STXBP3: variants seen among roughly 807,000 people sequenced by gnomAD.
The protein encoded by STXBP3 is syntaxin-binding protein 3.
A neutral mutation model predicts 85.7 loss-of-function variants in STXBP3; 41 were observed. That is an observed-to-expected ratio of 0.48 (90% CI 0.37 to 0.62). The LOEUF is 0.62. STXBP3 is among the 20% of genes least tolerant of loss of function. STXBP3 has a pLI of 0.00. For synonymous variants in STXBP3, 229 were observed against 231.7 expected (o/e 0.99, Z 0.10); for missense variants, 563 against 703.1 (o/e 0.80, Z 2.25).
At chr1:108,798,406 C>CTTTTT (rs781000610) in intron 16 of STXBP3, among the ~76,000 whole-genome samples, 169 bp downstream of exon 16, 33 of 101,546 alleles carry the variant, frequency 3.2e-4, no homozygotes, top group East Asian at 1.3e-3. Context: ...GATTCTTCTT[C>CTTTTT]TTTTTTTTTT....
rs184029310 is a variant in STXBP3 at position 108,794,821 on chromosome 1, T to G, written c.1030-6T>G. 7.9e-5 allele frequency: 127 copies of G among 1,607,862 alleles called. No homozygotes were observed. Among genetic ancestry groups the G allele is most frequent in the Non-Finnish European group, 1.0e-4 (123 of 1,176,556 alleles). ...CTTTAAATGATTGATTTCTTCTGTT[T>G]TTCAGCAAGTTGTCCATCTTAACTT... On this transcript the variant is annotated splice_region_variant and splice_polypyrimidine_tract_variant and intron_variant, in intron 12 of 18. Coordinates refer to ENST00000370008, the MANE Select transcript of STXBP3 (RefSeq NM_007269.4).
chr1:108,761,595 T>C (rs557407341), intron 6 of STXBP3, among the ~76,000 whole-genome samples: 10 of 152,274 alleles, frequency 6.6e-5, no homozygotes, highest in Non-Finnish European at 8.8e-5. Flanking sequence ...TACAAAATAT[T>C]GTGATTATGT....
At chr1:108,771,210 G>A (rs1427561405) in intron 6 of STXBP3, among the ~76,000 whole-genome samples, 1 of 150,828 alleles carries the variant, frequency 6.6e-6, no homozygotes, top group East Asian at 1.9e-4. Flanking sequence ...ACTAAAGCAG[G>A]AGAGGAGAGC....
At chr1:108,797,947 C>CATTAA (rs1173479079) in intron 15 of STXBP3, among the ~76,000 whole-genome samples, 198 bp from the exon 16 acceptor site, 1 of 152,146 alleles carries the variant, frequency 6.6e-6, no homozygotes, top group Non-Finnish European at 1.5e-5. Context: ...TAAATTTTAG[C>CATTAA]ATTAAAGCAC....
At chr1:108,787,797 CTTT>C (rs889009178) in intron 11 of STXBP3, among the ~76,000 whole-genome samples, 1 of 150,894 alleles carries the variant, frequency 6.6e-6, no homozygotes, top group African/African-American at 2.4e-5. Flanking sequence ...TTTCTTTTTT[CTTT>C]TTTTTAAGAG....
chr1:108,782,100 G>A lies in STXBP3; in HGVS notation c.810-322G>A, dbSNP rs940199385. 16 of 213,374 alleles carry A rather than the reference G, an allele frequency of 7.5e-5. No individual in the cohort carries two copies. The Admixed American group carries it at 7.6e-4, about 10-fold the overall frequency. The allele number at this position is 213,374 out of a possible 1,614,324, so 13.2% of individuals were successfully genotyped here. A position where few individuals can be genotyped will look rare whatever the true frequency, so the allele number is the denominator to read the frequency against. Reference sequence around the variant, plus strand: ...GTTGTAGGGAATTAGAACACAAAGCGTTAGTATATTGAGTCTTGTTCTTAA... The same window carrying A: ...GTTGTAGGGAATTAGAACACAAAGCATTAGTATATTGAGTCTTGTTCTTAA... On this transcript the variant is annotated intron_variant, in intron 9 of 18. Transcript: ENST00000370008.
chr1:108,781,427 G>A (rs1557809888), intron 9 of STXBP3: 1 of 152,190 alleles, frequency 6.6e-6, no homozygotes, highest in Non-Finnish European at 1.5e-5. Context: ...AATGGAAGGA[G>A]GGTGTCTGCA....
At chr1:108,749,861 CTAG>C (rs1661865354) in intron 1 of STXBP3, among the ~76,000 whole-genome samples, 1 of 152,062 alleles carries the variant, frequency 6.6e-6, no homozygotes, top group Non-Finnish European at 1.5e-5. Context: ...TTTAAATTTT[CTAG>C]TAGTCACATA....
intron 18 of STXBP3, among the ~76,000 whole-genome samples, chr1:108,808,134 C>T (rs1294409631): frequency 1.3e-5 from 2 of 152,136 alleles, no homozygotes; most frequent in Non-Finnish European, 2.9e-5. Context: ...GTTTTTGAGG[C>T]ACAAATACAT....
At chr1:108,808,679 C>A in intron 18 of STXBP3, 104 bp from the exon 19 acceptor site, 2 of 860,156 alleles carry the variant, frequency 2.3e-6, no homozygotes, top group South Asian at 1.5e-5. Flanking sequence ...TTACATTACC[C>A]CAGGCTACTG....
In STXBP3 at chr1:108,808,979, G is replaced by A. The variant is rs1324176006; in HGVS notation, c.*102G>A. ...ATTTAAACAATGTAAATATTTTATGGAATAATGGCTTTTCAAATACATTTC... is the reference window on the plus strand; with the variant it reads ...ATTTAAACAATGTAAATATTTTATGAAATAATGGCTTTTCAAATACATTTC... On this transcript the variant is annotated 3_prime_UTR_variant, in exon 19 of 19. Coordinates refer to ENST00000370008, the MANE Select transcript of STXBP3 (RefSeq NM_007269.4). 3 of 747,684 alleles carry A rather than the reference G, an allele frequency of 4.0e-6. No individual in the cohort carries two copies. Among genetic ancestry groups the A allele is most frequent in the Non-Finnish European group, 6.5e-6 (3 of 462,684 alleles). 46.3% of individuals were successfully genotyped at this position (747,684 alleles called of 1,614,324 possible).
chr1:108,788,817 T>G (rs1662912968), intron 11 of STXBP3, among the ~76,000 whole-genome samples: 1 of 152,138 alleles, frequency 6.6e-6, no homozygotes, highest in South Asian at 2.1e-4. Flanking sequence ...ATCCCAGCAC[T>G]TGGGGAGGCC....
At chr1:108,776,543 A>G (rs1662597913) in intron 8 of STXBP3, 120 bp downstream of exon 8, 1 of 610,060 alleles carries the variant, frequency 1.6e-6, no homozygotes, top group African/African-American at 1.9e-5. Context: ...ATAGATCTCC[A>G]ATACTGATTT....
chr1:108,749,434 GTC>G (rs1159033497), intron 1 of STXBP3, among the ~76,000 whole-genome samples: 1 of 152,116 alleles, frequency 6.6e-6, no homozygotes, highest in Non-Finnish European at 1.5e-5. Context: ...GATGAATATG[GTC>G]TCTGAGAAGA....
chr1:108,764,515 C>A (rs945329941), intron 6 of STXBP3, among the ~76,000 whole-genome samples: 3 of 152,188 alleles, frequency 2.0e-5, no homozygotes, highest in Non-Finnish European at 4.4e-5. Flanking sequence ...TTCCCACCAA[C>A]GGAATGTGAG....
chr1:108,749,787 A>C (rs1661864257), intron 1 of STXBP3, among the ~76,000 whole-genome samples: 1 of 152,222 alleles, frequency 6.6e-6, no homozygotes. Flanking sequence ...AGACACAGGT[A>C]GATCCAAGTA....
chr1:108,753,543 A>G (rs982603970), intron 3 of STXBP3, among the ~76,000 whole-genome samples: 9 of 152,280 alleles, frequency 5.9e-5, no homozygotes, highest in Non-Finnish European at 1.0e-4. Flanking sequence ...ACATGTTTAC[A>G]AATGCATAAT....
intron 11 of STXBP3, among the ~76,000 whole-genome samples, chr1:108,790,710 T>G (rs1570769006): frequency 6.6e-6 from 1 of 152,092 alleles, no homozygotes; most frequent in East Asian, 1.9e-4. Flanking sequence ...TGTTTTGCCT[T>G]TAGTCCTTCC....
intron 1 of STXBP3, among the ~76,000 whole-genome samples, chr1:108,750,059 A>G (rs2101100202): frequency 6.6e-6 from 1 of 152,200 alleles, no homozygotes; most frequent in Non-Finnish European, 1.5e-5. Context: ...TCCACCATCT[A>G]GGACAATGCA....
Sources: gnomAD v4.1 joint callset for allele counts (sites outside exome capture counted in the v4.1 genomes callset) on GRCh38, gnomAD v4.1.1 for gene constraint, MANE v1.5 for transcripts, NCBI Gene and HGNC (gene_info 2026-07-23, HGNC 2026-07-21) for gene names.